The following ZMYM2 variants were observed in gnomAD, a reference collection of about 807,000 sequenced individuals.
ZMYM2 encodes zinc finger MYM-type containing 2, also known as zinc finger MYM-type protein 2.
ZMYM2 carries 56 observed loss-of-function variants against 162.8 expected under a neutral mutation model. The ratio of observed to expected loss-of-function variants is 0.34; its 90% CI spans 0.28 to 0.43. The LOEUF is 0.43. Among genes scored for constraint, ZMYM2 ranks in the 20% least tolerant of loss-of-function variants. ZMYM2 has a pLI of 1.00. For missense variants in ZMYM2, 1,275 were observed against 1,621.8 expected, an observed-to-expected ratio of 0.79 and a Z score of 3.67; for synonymous variants, 510 against 541.6, an observed-to-expected ratio of 0.94 and a Z score of 0.81.
intron 9 of ZMYM2, 48 bp downstream of exon 9, chr13:20,027,366 A>G: frequency 1.4e-6 from 2 of 1,387,992 alleles, no homozygotes; most frequent in Non-Finnish European, 2.0e-6. Flanking sequence ...AAATACACAT[A>G]GAAAATAATC....
chr13:19,954,343 C>T (rs1398708343), upstream of ZMYM2, among the ~76,000 whole-genome samples: 1 of 151,464 alleles, frequency 6.6e-6, no homozygotes, highest in Non-Finnish European at 1.5e-5. Context: ...GTCTCGATCT[C>T]CTGACCTTGT....
intron 10 of ZMYM2, among the ~76,000 whole-genome samples, chr13:20,033,255 G>A (rs1021819063): frequency 8.6e-5 from 13 of 151,894 alleles, no homozygotes; most frequent in Admixed American, 7.2e-4. Context: ...CCTTTTCACT[G>A]CATTTATGTC....
At chr13:19,929,872 AT>A in the ZMYM2 span, among the ~76,000 whole-genome samples, 1 of 152,158 alleles carries the variant, frequency 6.6e-6, no homozygotes, top group Non-Finnish European at 1.5e-5. Context: ...TATTTTATGT[AT>A]TTCAATTTCT....
intron 6 of ZMYM2, among the ~76,000 whole-genome samples, chr13:20,013,260 A>C (rs1369024566): frequency 6.6e-6 from 1 of 152,138 alleles, no homozygotes; most frequent in Non-Finnish European, 1.5e-5. Flanking sequence ...TTCAGATTGT[A>C]CATTACTAGT....
the ZMYM2 span, among the ~76,000 whole-genome samples, chr13:19,938,747 G>T: frequency 2.0e-5 from 3 of 151,446 alleles, no homozygotes; most frequent in Non-Finnish European, 4.4e-5. Context: ...CTGAAAACAG[G>T]AGATTCCAGC....
rs1320551942 is a variant in ZMYM2 at position 20,019,555 on chromosome 13, C to T, written c.1521C>T (p.Ser507=). 1.9e-6 allele frequency: 3 copies of T among 1,586,848 alleles called. No individual in the cohort carries two copies. Among genetic ancestry groups the T allele is most frequent in the East Asian group, 2.3e-5 (1 of 44,152 alleles). The change falls in exon 7 of 25, where the codon AGC becomes AGT. Residue 507 remains serine, a synonymous_variant. Transcript: ENST00000610343. Reference sequence around the variant, plus strand: ...TTAAAATCTTTTTTTAGGTAGGTAGCCATCCAAGCTTCCTGAAGGAGGTTC... The same window carrying T: ...TTAAAATCTTTTTTTAGGTAGGTAGTCATCCAAGCTTCCTGAAGGAGGTTC... The part of the protein sequence containing the change: ...SCVSEYKQVG[S]HPSFLKEVRD...
At chr13:20,017,615 C>CTT (rs143348416) in intron 6 of ZMYM2, among the ~76,000 whole-genome samples, 54 of 146,712 alleles carry the variant, frequency 3.7e-4, no homozygotes, top group Admixed American at 8.8e-4. Flanking sequence ...ATGAATGTTA[C>CTT]TTTTTTTTTT....
In ZMYM2 at chr13:20,087,925, G is replaced by T. The variant is rs202200789; in HGVS notation, c.*1911G>T. 56 of 192,036 alleles carry T rather than the reference G, an allele frequency of 2.9e-4. No individual in the cohort carries two copies. The East Asian group carries it at 4.3e-3, about 15-fold the overall frequency. The allele number at this position is 192,036 out of a possible 1,614,324, so 11.9% of individuals were successfully genotyped here. ...ATTAATGCCTATTGTTGATTAAAAG[G>T]TGGTTAATTCTAACCATCTTTTAGT... On this transcript the variant is annotated 3_prime_UTR_variant, in exon 25 of 25. Transcript: ENST00000610343.
intron 12 of ZMYM2, among the ~76,000 whole-genome samples, chr13:20,038,546 G>T (rs1021223431): frequency 2.0e-5 from 3 of 152,154 alleles, no homozygotes; most frequent in African/African-American, 7.2e-5. Flanking sequence ...CTCATTGCTT[G>T]TTTTTGTCAG....
intron 19 of ZMYM2, among the ~76,000 whole-genome samples, chr13:20,066,242 A>T (rs1273052638): frequency 5.9e-5 from 9 of 152,254 alleles, no homozygotes; most frequent in Admixed American, 5.9e-4. Context: ...TTGTAATTAC[A>T]GATGACCGTT....
At chr13:19,927,962 T>C in the ZMYM2 span, among the ~76,000 whole-genome samples, 1 of 152,198 alleles carries the variant, frequency 6.6e-6, no homozygotes, top group Non-Finnish European at 1.5e-5. Flanking sequence ...TGTTCATATT[T>C]TTGCCCCTTT....
chr13:19,884,552 AAC>A, the ZMYM2 span, among the ~76,000 whole-genome samples: 2 of 152,024 alleles, frequency 1.3e-5, no homozygotes, highest in African/African-American at 4.8e-5. Flanking sequence ...CAGCCCGGGC[AAC>A]AGAGAAGGAA....
the ZMYM2 span, among the ~76,000 whole-genome samples, chr13:19,914,298 A>G: frequency 6.6e-6 from 1 of 152,318 alleles, no homozygotes. Context: ...GGATAAGATT[A>G]CTCATTCTGT....
chr13:20,049,376 C>G (rs1005178265), intron 12 of ZMYM2, among the ~76,000 whole-genome samples: 2 of 151,818 alleles, frequency 1.3e-5, no homozygotes, highest in Non-Finnish European at 2.9e-5. Flanking sequence ...TTCCATTGTT[C>G]AAATTCTTGA....
intron 12 of ZMYM2, among the ~76,000 whole-genome samples, chr13:20,037,348 TG>T (rs1373928582): frequency 1.3e-5 from 2 of 151,162 alleles, no homozygotes; most frequent in Non-Finnish European, 2.9e-5. Flanking sequence ...CCCAAGTAGC[TG>T]GGATTACAGG....
chr13:20,053,228 A>G (rs1458141047), intron 14 of ZMYM2, among the ~76,000 whole-genome samples: 2 of 152,182 alleles, frequency 1.3e-5, no homozygotes. Context: ...ATTTATTGGC[A>G]ATAAAGTCTC....
chr13:19,949,362 C>T, the ZMYM2 span, among the ~76,000 whole-genome samples: 21 of 152,188 alleles, frequency 1.4e-4, no homozygotes, highest in Admixed American at 8.5e-4. Flanking sequence ...TGCTGTGAGC[C>T]GAGATCACGC....
intron 18 of ZMYM2, 62 bp from the exon 19 acceptor site, chr13:20,064,389 G>A: frequency 7.0e-7 from 1 of 1,423,326 alleles, no homozygotes. Flanking sequence ...GTTCTTTGTT[G>A]GCTGTGTTTA....
chr13:20,017,905 G>C (rs1951758396), intron 6 of ZMYM2, among the ~76,000 whole-genome samples: 1 of 152,166 alleles, frequency 6.6e-6, no homozygotes, highest in Admixed American at 6.5e-5. Flanking sequence ...GGCATCTGTT[G>C]ATTGTCCTTT....
Sources: allele counts gnomAD v4.1 joint callset (sites outside exome capture counted in the v4.1 genomes callset), GRCh38; gene constraint gnomAD v4.1.1; transcripts MANE v1.5; gene names NCBI Gene and HGNC (gene_info 2026-07-23, HGNC 2026-07-21).